The following SHISA6 variants were observed in gnomAD, a reference collection of about 807,000 sequenced individuals.
The protein encoded by SHISA6 is protein shisa-6.
Under a neutral mutation model 47.9 loss-of-function variants are expected in SHISA6, and 22 were observed. The observed-to-expected ratio is 0.46, with a 90% CI of 0.33 to 0.66. The LOEUF is 0.66. Ranked by LOEUF, SHISA6 falls within the 30% of genes least tolerant of loss-of-function variation. The pLI is 0.02. For synonymous variants in SHISA6, 388 were observed against 337.8 expected (o/e 1.15, Z -1.63); for missense variants, 680 against 764.6 (o/e 0.89, Z 1.30).
At chr17:11,464,105 T>TG (rs1427294436) in intron 3 of SHISA6, among the ~76,000 whole-genome samples, 1 of 152,010 alleles carries the variant, frequency 6.6e-6, no homozygotes, top group East Asian at 1.9e-4. Flanking sequence ...TTTTTAGAGA[T>TG]GGGGTCTTGC....
At chr17:11,483,804 A>G (rs891329602) in intron 3 of SHISA6, among the ~76,000 whole-genome samples, 18 of 152,118 alleles carry the variant, frequency 1.2e-4, no homozygotes, top group Admixed American at 5.2e-4. Flanking sequence ...AAAAAATTAA[A>G]AATTTGCTAG....
At chr17:11,320,295 G>A (rs1474537249) in intron 2 of SHISA6, among the ~76,000 whole-genome samples, 3 of 152,136 alleles carry the variant, frequency 2.0e-5, no homozygotes, top group Non-Finnish European at 2.9e-5. Context: ...AAATTGGGAA[G>A]CAATAGGTCT....
intron 3 of SHISA6, among the ~76,000 whole-genome samples, chr17:11,505,912 C>T (rs571269231): frequency 3.9e-5 from 6 of 152,094 alleles, no homozygotes; most frequent in Non-Finnish European, 5.9e-5. Context: ...AGGCAGTCCA[C>T]GATGCGTATT....
intron 3 of SHISA6, among the ~76,000 whole-genome samples, chr17:11,486,982 A>ACACAAC (rs1480140047): frequency 6.6e-6 from 1 of 152,258 alleles, no homozygotes; most frequent in African/African-American, 2.4e-5. Context: ...TTTTGTTAGA[A>ACACAAC]CACAACCACG....
intron 2 of SHISA6, among the ~76,000 whole-genome samples, chr17:11,297,625 A>T (rs4792121): frequency 2.0e-5 from 3 of 152,066 alleles, no homozygotes; most frequent in African/African-American, 7.2e-5. Context: ...CCACATGGTC[A>T]TGCTGAGCTA....
intron 3 of SHISA6, chr17:11,379,972 C>T (rs571309529): frequency 4.1e-5 from 7 of 169,950 alleles, no homozygotes; most frequent in Non-Finnish European, 7.4e-5. Flanking sequence ...TCTCCATAAA[C>T]ACTCTATGAT....
intron 3 of SHISA6, among the ~76,000 whole-genome samples, chr17:11,505,654 G>A (rs1374476271): frequency 3.3e-5 from 5 of 152,162 alleles, no homozygotes; most frequent in Non-Finnish European, 7.4e-5. Flanking sequence ...ACTGAACCAG[G>A]AGTCAGATAA....
At chr17:11,403,950 C>T (rs1334975707) in intron 3 of SHISA6, among the ~76,000 whole-genome samples, 1 of 152,166 alleles carries the variant, frequency 6.6e-6, no homozygotes. Context: ...ATAGAGGGCT[C>T]AGACATGCCC....
rs114274192 is a variant in SHISA6 at position 11,372,884 on chromosome 17, A to G, written c.800-6530A>G. Among the ~76,000 whole-genome samples the G allele has an allele frequency of 3.8e-3, 581 of 152,226 alleles. 3 individuals carry two copies. The highest frequency in any genetic ancestry group is 0.013 in the African/African-American group (552 of 41,538). ...TGAGGGCACATAATGCATTTCAAGC[A>G]GGCTCTAAAGATGGAGAATTGCTCC... On this transcript the variant is annotated intron_variant, in intron 2 of 5. Transcript: ENST00000441885.
At chr17:11,551,318 T>C (rs1249757623) in intron 3 of SHISA6, among the ~76,000 whole-genome samples, 2 of 152,156 alleles carry the variant, frequency 1.3e-5, no homozygotes, top group Non-Finnish European at 2.9e-5. Flanking sequence ...ACTATTAGAC[T>C]GTGTCATTTA....
chr17:11,368,554 G>A (rs1018854379), intron 2 of SHISA6, among the ~76,000 whole-genome samples: 5 of 152,142 alleles, frequency 3.3e-5, no homozygotes, highest in Non-Finnish European at 5.9e-5. Context: ...AGTAGTAATG[G>A]TAGTAGTACT....
intron 3 of SHISA6, among the ~76,000 whole-genome samples, chr17:11,435,616 A>G (rs1323331377): frequency 6.6e-6 from 1 of 152,178 alleles, no homozygotes; most frequent in African/African-American, 2.4e-5. Flanking sequence ...AGACAGAACA[A>G]AGAGAATTCC....
At chr17:11,395,663 G>A (rs144009262) in intron 3 of SHISA6, among the ~76,000 whole-genome samples, 5,510 of 151,458 alleles carry the variant, frequency 0.036, 186 homozygotes, top group Admixed American at 0.088. Context: ...GATTACAGGC[G>A]CCCACCACCA....
chr17:11,467,405 G>A (rs1053730666), intron 3 of SHISA6, among the ~76,000 whole-genome samples: 4 of 152,102 alleles, frequency 2.6e-5, no homozygotes, highest in Non-Finnish European at 4.4e-5. Flanking sequence ...GAATGACAAT[G>A]GTCCTTCAGT....
chr17:11,320,853 C>A (rs1176696946), intron 2 of SHISA6, among the ~76,000 whole-genome samples: 1 of 152,098 alleles, frequency 6.6e-6, no homozygotes, highest in Non-Finnish European at 1.5e-5. Flanking sequence ...TGTGACATAC[C>A]TTGTTTTCCA....
intron 1 of SHISA6, among the ~76,000 whole-genome samples, chr17:11,255,095 T>C (rs1373034678): frequency 1.3e-5 from 2 of 152,238 alleles, no homozygotes; most frequent in African/African-American, 2.4e-5. Context: ...CAGGAGTGTT[T>C]GCCTGTTTTG....
chr17:11,486,925 C>T (rs1402972544), intron 3 of SHISA6, among the ~76,000 whole-genome samples: 1 of 152,188 alleles, frequency 6.6e-6, no homozygotes, highest in Non-Finnish European at 1.5e-5. Context: ...GGTCTGCCAG[C>T]GAGGCCTGGG....
At chr17:11,328,314 C>G (rs1910980023) in intron 2 of SHISA6, among the ~76,000 whole-genome samples, 1 of 152,168 alleles carries the variant, frequency 6.6e-6, no homozygotes, top group Non-Finnish European at 1.5e-5. Context: ...AATAAGAGAA[C>G]TTTTCCCTAA....
At chr17:11,490,702 CA>C (rs1916454147) in intron 3 of SHISA6, among the ~76,000 whole-genome samples, 1 of 152,206 alleles carries the variant, frequency 6.6e-6, no homozygotes, top group Non-Finnish European at 1.5e-5. Flanking sequence ...AGACCTGAGC[CA>C]GAGGCCTTCC....
Sources: allele counts gnomAD v4.1 joint callset (sites outside exome capture counted in the v4.1 genomes callset), GRCh38; gene constraint gnomAD v4.1.1; transcripts MANE v1.5; gene names NCBI Gene and HGNC (gene_info 2026-07-23, HGNC 2026-07-21).